PPFIBP2: variants seen among roughly 807,000 people sequenced by gnomAD.
PPFIBP2 encodes the protein liprin-beta-2.
PPFIBP2 carries 118 observed loss-of-function variants against 118.3 expected under a neutral mutation model. The ratio of observed to expected loss-of-function variants is 1.00; its 90% CI spans 0.86 to 1.16. PPFIBP2 has a LOEUF of 1.16. PPFIBP2 is among the 50% of genes most tolerant of loss of function. The pLI is 0.00. For missense variants in PPFIBP2, 1,195 were observed against 1,073.1 expected, an observed-to-expected ratio of 1.11 and a Z score of -1.59; for synonymous variants, 414 against 397.4, an observed-to-expected ratio of 1.04 and a Z score of -0.50.
intron 3 of PPFIBP2, among the ~76,000 whole-genome samples, chr11:7,572,915 G>A (rs989594857): frequency 2.0e-5 from 3 of 152,196 alleles, no homozygotes; most frequent in African/African-American, 7.2e-5. Flanking sequence ...GATTAGCTGG[G>A]ATTGCAGTTG....
chr11:7,649,308 T>G (rs1853618722), intron 20 of PPFIBP2, 73 bp downstream of exon 20: 4 of 1,411,508 alleles, frequency 2.8e-6, no homozygotes, highest in Non-Finnish European at 4.0e-6. Context: ...TGGTGGTTAT[T>G]TTAAACTTGA....
At chr11:7,607,561 A>G (rs1045508017) in intron 5 of PPFIBP2, among the ~76,000 whole-genome samples, 3 of 152,038 alleles carry the variant, frequency 2.0e-5, no homozygotes, top group African/African-American at 7.2e-5. Flanking sequence ...GCTTTGTTTT[A>G]TTAGTAATTG....
intron 3 of PPFIBP2, chr11:7,577,709 G>T (rs1401240244): frequency 5.5e-5 from 25 of 454,588 alleles, no homozygotes; most frequent in Non-Finnish European, 1.1e-4. Context: ...GGGTGTTTTG[G>T]GGTGTGTGTG....
chr11:7,645,744 G>T (rs370338543), intron 17 of PPFIBP2, among the ~76,000 whole-genome samples: 4 of 152,150 alleles, frequency 2.6e-5, no homozygotes, highest in African/African-American at 9.7e-5. Flanking sequence ...TTTTGAAAAG[G>T]TCGATAGCAC....
In PPFIBP2 at chr11:7,627,372, A is replaced by G. The variant is rs373351761; in HGVS notation, c.827-913A>G. 2.8e-4 allele frequency among the ~76,000 whole-genome samples: 43 copies of G among 152,360 alleles called. No individual in the cohort carries two copies. In the East Asian group the frequency reaches 6.4e-3, roughly 23 times the overall value. On this transcript the variant is annotated intron_variant, in intron 8 of 23. Coordinates refer to ENST00000299492, the MANE Select transcript of PPFIBP2 (RefSeq NM_003621.5). ...CTCCACAACTATTTACACAAAGTCC[A>G]TAGATCTACTGTTGCTATTCTTGTT...
At chr11:7,611,096 A>T (rs1848021330) in intron 6 of PPFIBP2, among the ~76,000 whole-genome samples, 1 of 152,212 alleles carries the variant, frequency 6.6e-6, no homozygotes, top group African/African-American at 2.4e-5. Flanking sequence ...TTCTTCTTAT[A>T]TTCACACCTA....
At chr11:7,666,578 C>A in the PPFIBP2 span, 1 of 1,531,496 alleles carries the variant, frequency 6.5e-7, no homozygotes. Flanking sequence ...CTGAAAAAGC[C>A]CCTCCAGGGC....
Position 7,651,725 on chromosome 11 carries a change from C to T in PPFIBP2, c.2317C>T (p.Leu773Phe), listed in dbSNP as rs539028133. The change falls in exon 23 of 24, where the codon CTC becomes TTC. Residue 773 changes from leucine (L) to phenylalanine (F), a missense_variant. Transcript: ENST00000299492. ...CAACATCCCCCCACAAAAGACGCTC[C>T]TCAGGCGCCACCTGACCACCAAGTT... is the stretch of plus-strand genomic sequence containing the variant. ...LLNIPPQKTL[L>F]RRHLTTKFNA... is the part of the protein sequence containing the mutation. 2 of 1,614,082 alleles carry T rather than the reference C, an allele frequency of 1.2e-6. No homozygotes were observed. The highest frequency in any genetic ancestry group is 1.3e-5 in the African/African-American group (1 of 75,066).
intron 16 of PPFIBP2, 192 bp downstream of exon 16, chr11:7,641,812 A>G (rs751761034): frequency 1.6e-5 from 10 of 633,732 alleles, no homozygotes; most frequent in Non-Finnish European, 2.2e-5. Context: ...CACCCATTGA[A>G]TATATCCAGT....
At chr11:7,516,207 C>CGT (rs1849216731) in intron 1 of PPFIBP2, among the ~76,000 whole-genome samples, 1 of 152,174 alleles carries the variant, frequency 6.6e-6, no homozygotes, top group South Asian at 2.1e-4. Context: ...GGGAAGCAAA[C>CGT]TCCAAGGGAA....
intron 2 of PPFIBP2, among the ~76,000 whole-genome samples, chr11:7,553,191 T>G (rs1387309218): frequency 1.3e-5 from 2 of 152,080 alleles, no homozygotes; most frequent in African/African-American, 4.8e-5. Context: ...ATTTTCACCC[T>G]TGTTTCACTG....
intron 14 of PPFIBP2, 84 bp downstream of exon 14, chr11:7,635,677 C>T: frequency 2.1e-6 from 3 of 1,444,662 alleles, no homozygotes; most frequent in African/African-American, 1.4e-5. Context: ...GTTTTCATAA[C>T]CTTAAAATGT....
At chr11:7,643,790 A>C (rs1852570030) in intron 17 of PPFIBP2, among the ~76,000 whole-genome samples, 1 of 152,172 alleles carries the variant, frequency 6.6e-6, no homozygotes, top group South Asian at 2.1e-4. Flanking sequence ...CTCCAGCCCC[A>C]ACCTTTTTTT....
Position 7,528,010 on chromosome 11 carries a change from C to T in PPFIBP2, c.-37+13889C>T, listed in dbSNP as rs1180975012. 3.3e-5 allele frequency among the ~76,000 whole-genome samples: 5 copies of T among 152,148 alleles called. No homozygotes were observed. The East Asian group carries it at 7.7e-4, about 23-fold the overall frequency. ...GAGGAAATGGGCTTCAAGAAGATAC[C>T]TGATCATCTCAAGTTTCCCTAGGTG... On this transcript the variant is annotated intron_variant, in intron 1 of 23. Coordinates refer to ENST00000299492, the MANE Select transcript of PPFIBP2 (RefSeq NM_003621.5).
chr11:7,656,937 T>A, downstream of PPFIBP2: 1 of 556,248 alleles, frequency 1.8e-6, no homozygotes, highest in Non-Finnish European at 3.0e-6. Context: ...CTGACAGGCA[T>A]GAAGCAGAGC....
Position 7,641,545 on chromosome 11 carries a change from CTG to C in PPFIBP2, c.1443_1444del (p.Glu482IlefsTer12). The C allele has an allele frequency of 6.2e-7, 1 of 1,613,748 alleles. No homozygotes were observed. Among genetic ancestry groups the C allele is most frequent in the Non-Finnish European group, 8.5e-7 (1 of 1,179,572 alleles). On this transcript the variant is annotated frameshift_variant, in exon 16 of 24. Coordinates refer to ENST00000299492, the MANE Select transcript of PPFIBP2 (RefSeq NM_003621.5). LOFTEE classifies it high-confidence loss of function. ...GACCTCTCATCCACATCATCGGGCA[CTG>C]AATCAGGTCCTCAGTCTCCTCTGAC...
At chr11:7,625,204 C>T (rs555490446) in intron 7 of PPFIBP2, among the ~76,000 whole-genome samples, 21 of 152,248 alleles carry the variant, frequency 1.4e-4, no homozygotes, top group African/African-American at 1.4e-4. Flanking sequence ...AGCGTGCACA[C>T]ATGCCTGGAG....
At chr11:7,557,514 C>CA in intron 2 of PPFIBP2, among the ~76,000 whole-genome samples, 1 of 120,902 alleles carries the variant, frequency 8.3e-6, no homozygotes, top group African/African-American at 3.3e-5. Flanking sequence ...TTTTTTGAGA[C>CA]AGAGTCTTGC....
intron 3 of PPFIBP2, among the ~76,000 whole-genome samples, chr11:7,578,830 TA>T (rs1856832385): frequency 6.6e-6 from 1 of 151,822 alleles, no homozygotes; most frequent in Non-Finnish European, 1.5e-5. Context: ...AAATGGGGCA[TA>T]GGGGATGATG....
Sources: allele counts gnomAD v4.1 joint callset (sites outside exome capture counted in the v4.1 genomes callset), GRCh38; gene constraint gnomAD v4.1.1; transcripts MANE v1.5; gene names NCBI Gene and HGNC (gene_info 2026-07-23, HGNC 2026-07-21).